The following RMDN3 variants were observed in gnomAD, a reference collection of about 807,000 sequenced individuals.
RMDN3 encodes regulator of microtubule dynamics protein 3.
In RMDN3, 41 loss-of-function variants were observed where a neutral mutation model predicts 61.8. The observed-to-expected ratio is 0.66, with a 90% CI of 0.52 to 0.86. The LOEUF (loss-of-function observed/expected upper bound fraction) is 0.86. Ranked by LOEUF, RMDN3 falls within the 40% of genes least tolerant of loss-of-function variation. The pLI, the probability that RMDN3 is intolerant of heterozygous loss-of-function variation, is 0.00. For missense variants in RMDN3, 557 were observed against 585.3 expected, an observed-to-expected ratio of 0.95 and a Z score of 0.50; for synonymous variants, 247 against 232.0, an observed-to-expected ratio of 1.06 and a Z score of -0.59.
intron 5 of RMDN3, among the ~76,000 whole-genome samples, chr15:40,744,518 A>C (rs1897426941): frequency 6.7e-6 from 1 of 150,012 alleles, no homozygotes; most frequent in African/African-American, 2.5e-5. Context: ...GGGCATTTAT[A>C]CCTGGGTGGG....
rs140893953 is a variant in RMDN3 at position 40,741,460 on chromosome 15, C to A, written c.911-1267G>T. Among the ~76,000 whole-genome samples the A allele has an allele frequency of 2.6e-5, 4 of 152,182 alleles. No individual in the cohort carries two copies. In the East Asian group the frequency reaches 5.8e-4, roughly 22 times the overall value. ...TGACCAGAGATGACGTTCACTTAGTCTTACCCGAGTTTTCTAGGTTAGTGT... is the reference window on the plus strand; with the variant it reads ...TGACCAGAGATGACGTTCACTTAGTATTACCCGAGTTTTCTAGGTTAGTGT... On this transcript the variant is annotated intron_variant, in intron 6 of 12. Coordinates refer to ENST00000338376, the MANE Select transcript of RMDN3 (RefSeq NM_018145.3).
At chr15:40,752,341 A>G (rs1042646293) in intron 2 of RMDN3, among the ~76,000 whole-genome samples, 163 bp from the exon 3 acceptor site, 1 of 152,150 alleles carries the variant, frequency 6.6e-6, no homozygotes, top group East Asian at 1.9e-4. Flanking sequence ...AGTCTCAAGA[A>G]ACTACCCAGG....
In RMDN3 at chr15:40,744,137, G is replaced by A; in HGVS notation, c.820C>T (p.Gln274Ter). Reference protein sequence around the residue: ...LNNKLVYGSRQDFLWRLARAY... With the variant: ...LNNKLVYGSR ...CGGGCCAGGCGCCAGAGAAAGTCCT[G>A]CCGGCTTCCATACTGCAGACCAGAC... is the stretch of plus-strand genomic sequence containing the variant. Residue 274 changes from glutamine to a stop codon, truncating the protein, a stop_gained, in exon 6 of 13, where the codon CAG becomes TAG. Transcript: ENST00000338376. LOFTEE classifies it high-confidence loss of function. The A allele has an allele frequency of 1.2e-6, 2 of 1,613,420 alleles. No homozygotes were observed. The highest frequency in any genetic ancestry group is 1.1e-5 in the South Asian group (1 of 91,082).
chr15:40,737,480 T>G, intron 10 of RMDN3, 139 bp from the exon 11 acceptor site: 1 of 1,108,290 alleles, frequency 9.0e-7, no homozygotes, highest in Non-Finnish European at 1.3e-6. Flanking sequence ...TGATAAGCTG[T>G]GCAAGTGATT....
At chr15:40,740,080 C>G in intron 7 of RMDN3, 53 bp downstream of exon 7, 1 of 1,188,356 alleles carries the variant, frequency 8.4e-7, no homozygotes, top group Non-Finnish European at 1.3e-6. Context: ...AAAGGGCTGT[C>G]CTCTGCTTTG....
At chr15:40,741,792 C>CCACAAATGCATTCT in intron 6 of RMDN3, among the ~76,000 whole-genome samples, 1 of 151,280 alleles carries the variant, frequency 6.6e-6, no homozygotes, top group Non-Finnish European at 1.5e-5. Flanking sequence ...CCACACCTGG[C>CCACAAATGCATTCT]TAATTTTTGT....
At chr15:40,739,923 C>A (rs1897211813) in intron 7 of RMDN3, among the ~76,000 whole-genome samples, 1 of 152,172 alleles carries the variant, frequency 6.6e-6, no homozygotes, top group Non-Finnish European at 1.5e-5. Flanking sequence ...CTTGTATTCC[C>A]CGCTTGCCTC....
chr15:40,740,814 G>A (rs1317367251), intron 6 of RMDN3, among the ~76,000 whole-genome samples: 1 of 152,166 alleles, frequency 6.6e-6, no homozygotes, highest in Admixed American at 6.5e-5. Context: ...AGCCAGGCAC[G>A]ATGGCTTATG....
intron 4 of RMDN3, among the ~76,000 whole-genome samples, chr15:40,748,073 C>T (rs529035109): frequency 6.6e-6 from 1 of 152,106 alleles, no homozygotes; most frequent in Non-Finnish European, 1.5e-5. Flanking sequence ...GTACAATGCC[C>T]GGGGAACAAG....
In RMDN3 at chr15:40,736,489, G is replaced by GC. The variant is rs199724125; in HGVS notation, c.*51dup. On this transcript the variant is annotated 3_prime_UTR_variant, in exon 13 of 13. Coordinates refer to ENST00000338376, the MANE Select transcript of RMDN3 (RefSeq NM_018145.3). ...AAGGTCTAAGGAAAAAAGCCTCCCC[G>GC]CCCCCCCACCTTAAATAGTGGCATC... The GC allele has an allele frequency of 2.3e-3, 3,533 of 1,548,312 alleles. 28 individuals are homozygous for GC. The African/African-American group carries it at 0.029, about 13-fold the overall frequency.
At position 40,737,111 on chromosome 15, in the gene RMDN3, T is replaced by G; in HGVS notation, c.1359+13A>C. 1 of 1,610,788 alleles carries G rather than the reference T, an allele frequency of 6.2e-7. No homozygotes were observed. Among genetic ancestry groups the G allele is most frequent in the Non-Finnish European group, 8.5e-7 (1 of 1,176,986 alleles). ...AGGTGATCTGCCCAACAGGCAGTATTAAAAAGCCTTACCTCCTTCGTGACA... is the reference window on the plus strand; with the variant it reads ...AGGTGATCTGCCCAACAGGCAGTATGAAAAAGCCTTACCTCCTTCGTGACA... On this transcript the variant is annotated intron_variant, in intron 12 of 12. Transcript: ENST00000338376.
intron 6 of RMDN3, among the ~76,000 whole-genome samples, chr15:40,743,579 G>T (rs1220862504): frequency 6.6e-6 from 1 of 152,144 alleles, no homozygotes; most frequent in Admixed American, 6.6e-5. Context: ...CCTGAGCCTG[G>T]CACAGGTCAG....
At chr15:40,739,922 C>T (rs1251362074) in intron 7 of RMDN3, among the ~76,000 whole-genome samples, 1 of 152,138 alleles carries the variant, frequency 6.6e-6, no homozygotes, top group African/African-American at 2.4e-5. Context: ...GCTTGTATTC[C>T]CCGCTTGCCT....
At chr15:40,748,714 C>T (rs995246376) in intron 4 of RMDN3, among the ~76,000 whole-genome samples, 5 of 152,156 alleles carry the variant, frequency 3.3e-5, no homozygotes, top group African/African-American at 4.8e-5. Flanking sequence ...ATTCTCCTGC[C>T]TCAGCCTCCG....
intron 6 of RMDN3, among the ~76,000 whole-genome samples, chr15:40,741,507 C>T (rs188416469): frequency 3.9e-5 from 6 of 152,020 alleles, no homozygotes; most frequent in Non-Finnish European, 7.4e-5. Flanking sequence ...AATGAAAGCC[C>T]ATAAACATGA....
chr15:40,747,197 C>G (rs1038549836), intron 4 of RMDN3, among the ~76,000 whole-genome samples: 5 of 152,238 alleles, frequency 3.3e-5, no homozygotes, highest in Admixed American at 1.3e-4. Context: ...AGAGGAGTCT[C>G]TCTGCCTCCA....
In RMDN3 at chr15:40,754,797, CCAG is replaced by C. The variant is rs764159178; in HGVS notation, c.-7-10_-7-8del. The C allele has an allele frequency of 3.9e-6, 6 of 1,530,004 alleles. No homozygotes were observed. The African/African-American group carries it at 5.6e-5, about 14-fold the overall frequency. The allele number at this position is 1,530,004 out of a possible 1,614,324, so 94.8% of individuals were successfully genotyped here. ...CAGTCTAGACATGCTGCACCTGCGG[CCAG>C]CAGAAGTCACCGGGAGCAGGCAGGC... is the stretch of plus-strand genomic sequence containing the variant. On this transcript the variant is annotated splice_region_variant and splice_polypyrimidine_tract_variant and intron_variant, in intron 1 of 12. Transcript: ENST00000338376.
At chr15:40,738,151 C>G (rs925740516) in intron 8 of RMDN3, 109 bp from the exon 9 acceptor site, 4 of 1,163,756 alleles carry the variant, frequency 3.4e-6, no homozygotes, top group African/African-American at 3.0e-5. Context: ...CTTTGGGAAG[C>G]TGAGGCAGGT....
chr15:40,751,986 C>T lies in RMDN3; in HGVS notation c.380G>A (p.Arg127Gln), dbSNP rs36040588. 13 of 1,612,984 alleles carry T rather than the reference C, an allele frequency of 8.1e-6. No homozygotes were observed. The highest frequency in any genetic ancestry group is 4.0e-5 in the African/African-American group (3 of 74,916). ...CAGGAGAAGAAGCCGCATTACTCAC[C>T]GGACCTCCCCAACAATCTCCCCCGC... ...GLAGEIVGEV[R>Q]CHMEENQRVA... Residue 127 changes from arginine (R) to glutamine (Q), a missense_variant and splice_region_variant, in exon 3 of 13, where the codon CGA (arginine) becomes CAA (glutamine). Coordinates refer to ENST00000338376, the MANE Select transcript of RMDN3 (RefSeq NM_018145.3).
Sources: allele counts gnomAD v4.1 joint callset (sites outside exome capture counted in the v4.1 genomes callset), GRCh38; gene constraint gnomAD v4.1.1; transcripts MANE v1.5; gene names NCBI Gene and HGNC (gene_info 2026-07-23, HGNC 2026-07-21).